Variants in DMXL1 observed in about 807,000 individuals in gnomAD.
DMXL1 encodes Dmx like 1.
DMXL1 carries 99 observed loss-of-function variants against 319.2 expected under a neutral mutation model. That is an observed-to-expected ratio of 0.31 (90% CI 0.26 to 0.37). The LOEUF is 0.37. Among genes scored for constraint, DMXL1 ranks in the 10% least tolerant of loss-of-function variants. The pLI, the probability that DMXL1 is intolerant of heterozygous loss-of-function variation, is 1.00. For missense variants in DMXL1, 3,745 were observed against 3,595.6 expected (o/e 1.04, Z -1.06); for synonymous variants, 1,385 against 1,235.2 (o/e 1.12, Z -2.54).
intron 9 of DMXL1, among the ~76,000 whole-genome samples, chr5:119,121,870 G>A (rs1181761611): frequency 6.7e-6 from 1 of 149,442 alleles, no homozygotes; most frequent in Non-Finnish European, 1.5e-5. Flanking sequence ...GGGCAGAGGC[G>A]CCCCTCACCT....
chr5:119,235,358 T>C (rs1000741464), intron 39 of DMXL1, among the ~76,000 whole-genome samples: 1 of 152,096 alleles, frequency 6.6e-6, no homozygotes, highest in African/African-American at 2.4e-5. Flanking sequence ...AGAAAAGAGT[T>C]ATTGGAAATT....
chr5:119,189,649 A>C, intron 28 of DMXL1, 59 bp from the exon 29 acceptor site: 1 of 1,507,608 alleles, frequency 6.6e-7, no homozygotes, highest in Non-Finnish European at 9.2e-7. Context: ...ATGTAAACAC[A>C]GGTGAAATAA....
intron 28 of DMXL1, among the ~76,000 whole-genome samples, chr5:119,187,784 TC>T (rs1248187188): frequency 2.0e-5 from 3 of 152,150 alleles, no homozygotes; most frequent in Non-Finnish European, 4.4e-5. Flanking sequence ...TGTCTCAGCC[TC>T]CCGAGTAGCT....
At chr5:119,153,646 C>T (rs983644039) in intron 19 of DMXL1, among the ~76,000 whole-genome samples, 1 of 152,178 alleles carries the variant, frequency 6.6e-6, no homozygotes, top group Admixed American at 6.5e-5. Flanking sequence ...GTATTCGATT[C>T]CACAGATAAG....
At chr5:119,094,087 G>A (rs1755399218) in intron 1 of DMXL1, among the ~76,000 whole-genome samples, 1 of 152,220 alleles carries the variant, frequency 6.6e-6, no homozygotes, top group African/African-American at 2.4e-5. Flanking sequence ...AGATCTAGCT[G>A]AGATAATTGA....
intron 8 of DMXL1, among the ~76,000 whole-genome samples, chr5:119,120,681 A>G (rs1761851396): frequency 6.6e-6 from 1 of 152,012 alleles, no homozygotes; most frequent in Admixed American, 6.5e-5. Context: ...ATTTGATTTT[A>G]GGAAATACAT....
chr5:119,191,923 T>C (rs541089018), intron 29 of DMXL1, among the ~76,000 whole-genome samples: 11 of 152,358 alleles, frequency 7.2e-5, no homozygotes, highest in South Asian at 4.1e-4. Context: ...CTATGTGTTA[T>C]ATGCATGGGT....
chr5:119,133,984 A>G lies in DMXL1; in HGVS notation c.2060A>G (p.Asn687Ser), dbSNP rs148205853. Residue 687 changes from asparagine (N) to serine (S), a missense_variant, in exon 12 of 44, where the codon AAT (asparagine) becomes AGT (serine). Physicochemically the swap from Asn to Ser is conservative, Grantham distance 46 (BLOSUM62 1). Around this residue, in one of 4 missense-constraint regions of DMXL1, gnomAD observed 2,096 missense variants for 1,985.4 expected, o/e 1.06. Coordinates refer to ENST00000539542, the MANE Select transcript of DMXL1 (RefSeq NM_001290321.3). ...NIEECSLTQQ[N>S]KSTVDVAFQD... ...GAAGAATGCTCTTTGACACAACAAA[A>G]TAAAAGCACTGTTGACGTGGCATTT... The G allele has an allele frequency of 3.2e-4, 514 of 1,614,138 alleles. No individual in the cohort carries two copies. The highest frequency in any genetic ancestry group is 4.1e-4 in the Non-Finnish European group (485 of 1,180,052).
intron 28 of DMXL1, chr5:119,178,800 TGAG>T (rs1214893617): frequency 3.5e-6 from 1 of 282,370 alleles, no homozygotes; most frequent in African/African-American, 2.3e-5. Flanking sequence ...TATAGAAAAT[TGAG>T]AAGTTTCCTT....
In DMXL1 at chr5:119,171,010, T is replaced by C. The variant is rs1285223824; in HGVS notation, c.6219T>C (p.Thr2073=). 2 of 1,613,898 alleles carry C rather than the reference T, an allele frequency of 1.2e-6. No homozygotes were observed. Among genetic ancestry groups the C allele is most frequent in the South Asian group, 2.2e-5 (2 of 91,056 alleles). Residue 2073 remains threonine (T), a synonymous_variant, in exon 24 of 44, where the codon ACT becomes ACC. Coordinates refer to ENST00000539542, the MANE Select transcript of DMXL1 (RefSeq NM_001290321.3). ...AAGAGGTGATAGCTCTTCAGAGGAC[T>C]TGTGACTTTTGCTCAGATGCTGAAG... The part of the protein sequence containing the change: ...LEKEVIALQR[T]CDFCSDAEEL...
chr5:119,112,363 C>T lies in DMXL1; in HGVS notation c.497+2080C>T, dbSNP rs1759825231. Among the ~76,000 whole-genome samples, 5 of 152,232 alleles carry T rather than the reference C, an allele frequency of 3.3e-5. No homozygotes were observed. In the South Asian group the frequency reaches 1.0e-3, roughly 32 times the overall value. On this transcript the variant is annotated intron_variant, in intron 5 of 43. Coordinates refer to ENST00000539542, the MANE Select transcript of DMXL1 (RefSeq NM_001290321.3). ...TGCCAGGTTTCATTCCTTCATTCAA[C>T]AAATATTTGTTGAATGGTTCCAGTC...
Position 119,148,071 on chromosome 5 carries a change from A to G in DMXL1, c.2911+601A>G, listed in dbSNP as rs528626144. On this transcript the variant is annotated intron_variant, in intron 17 of 43. Transcript: ENST00000539542. ...GGAGTATCAAGAATACTAATCAAAA[A>G]TACAAATTAAGGCTTATGTTTTAGG... Among the ~76,000 whole-genome samples, 31 of 152,306 alleles carry G rather than the reference A, an allele frequency of 2.0e-4. 1 individual carries two copies. The South Asian group carries it at 6.4e-3, about 32-fold the overall frequency.
intron 21 of DMXL1, among the ~76,000 whole-genome samples, chr5:119,165,741 A>G (rs1362383547): frequency 6.6e-6 from 1 of 152,192 alleles, no homozygotes; most frequent in African/African-American, 2.4e-5. Flanking sequence ...TGTGCGGGGA[A>G]ACTCCTGTTT....
intron 5 of DMXL1, among the ~76,000 whole-genome samples, chr5:119,113,303 G>A (rs754364025): frequency 3.9e-5 from 6 of 152,120 alleles, no homozygotes; most frequent in African/African-American, 2.4e-5. Flanking sequence ...GTATGGTGGC[G>A]TGATCTTGGC....
In DMXL1 at chr5:119,220,980, A is replaced by G; in HGVS notation, c.8176A>G (p.Thr2726Ala). Residue 2726 changes from threonine to alanine, a missense_variant, in exon 37 of 44, where the codon ACA becomes GCA. Around this residue, in one of 4 missense-constraint regions of DMXL1, gnomAD observed 1,382 missense variants for 1,269.5 expected, o/e 1.09. Transcript: ENST00000539542. ...FLVIHARDDL[T>A]AVQGTTPYTH... ...GGTTATACATGCTCGTGATGATTTA[A>G]CAGCTGTTCAAGGTACAACTCCATA... 3 of 1,613,816 alleles carry G rather than the reference A, an allele frequency of 1.9e-6. No individual in the cohort carries two copies. The highest frequency in any genetic ancestry group is 2.5e-6 in the Non-Finnish European group (3 of 1,179,764).
chr5:119,115,435 A>G (rs969546095), intron 6 of DMXL1, among the ~76,000 whole-genome samples: 1 of 152,210 alleles, frequency 6.6e-6, no homozygotes, highest in Non-Finnish European at 1.5e-5. Context: ...TGGTTCATAG[A>G]GCATTTCACG....
At chr5:119,108,417 A>T (rs562380389) in intron 4 of DMXL1, among the ~76,000 whole-genome samples, 1 of 152,038 alleles carries the variant, frequency 6.6e-6, no homozygotes, top group East Asian at 1.9e-4. Context: ...TCAAATCTTG[A>T]CAATTCTTTT....
At chr5:119,181,790 C>T (rs1158780658) in intron 28 of DMXL1, among the ~76,000 whole-genome samples, 4 of 151,618 alleles carry the variant, frequency 2.6e-5, no homozygotes, top group Admixed American at 6.6e-5. Context: ...CCAGCCTGGG[C>T]GACAGAGCGA....
intron 5 of DMXL1, 23 bp from the exon 6 acceptor site, chr5:119,114,452 T>C: frequency 6.6e-7 from 1 of 1,525,228 alleles, no homozygotes; most frequent in Non-Finnish European, 9.0e-7. Flanking sequence ...TTGCAAATTA[T>C]TCCTTATCTG....
Sources: allele counts gnomAD v4.1 joint callset (sites outside exome capture counted in the v4.1 genomes callset), GRCh38; gene constraint gnomAD v4.1.1; regional missense constraint gnomAD v4.1.1; transcripts MANE v1.5; gene names NCBI Gene and HGNC (gene_info 2026-07-23, HGNC 2026-07-21).